YWHAG: variants seen among roughly 807,000 people sequenced by gnomAD.
The protein encoded by YWHAG is tyrosine 3-monooxygenase/tryptophan 5-monooxygenase activation protein gamma.
YWHAG carries 1 observed loss-of-function variant against 23.3 expected under a neutral mutation model. The ratio of observed to expected loss-of-function variants is 0.04; its 90% CI spans 0.02 to 0.20. The LOEUF (loss-of-function observed/expected upper bound fraction) is 0.20. Ranked by LOEUF, YWHAG falls within the 10% of genes least tolerant of loss-of-function variation. The pLI is 1.00. For missense variants in YWHAG, 151 were observed against 338.6 expected, an observed-to-expected ratio of 0.45 and a Z score of 4.35; for synonymous variants, 160 against 144.0, an observed-to-expected ratio of 1.11 and a Z score of -0.80.
intron 1 of YWHAG, among the ~76,000 whole-genome samples, chr7:76,357,589 CA>C (rs1162170910): frequency 6.6e-6 from 1 of 152,144 alleles, no homozygotes; most frequent in Non-Finnish European, 1.5e-5. Context: ...GCAACCCAGA[CA>C]AAATGCGACA....
intron 1 of YWHAG, among the ~76,000 whole-genome samples, chr7:76,348,384 C>A (rs1388213700): frequency 6.7e-6 from 1 of 149,924 alleles, no homozygotes. Context: ...AGCCTCCAAG[C>A]AGCTGGGACT....
chr7:76,333,096 A>C (rs1309667877), intron 1 of YWHAG, among the ~76,000 whole-genome samples: 2 of 152,026 alleles, frequency 1.3e-5, no homozygotes, highest in East Asian at 3.9e-4. Flanking sequence ...TAGCCTCCTG[A>C]GTGGCTGGGA....
chr7:76,340,754 C>G (rs6955630), intron 1 of YWHAG, among the ~76,000 whole-genome samples: 12,774 of 152,216 alleles, frequency 0.084, 853 homozygotes, highest in African/African-American at 0.18. Context: ...CAGATGGGAA[C>G]CATGCATATC....
intron 1 of YWHAG, among the ~76,000 whole-genome samples, chr7:76,357,450 T>C (rs545584321): frequency 5.7e-4 from 87 of 152,296 alleles, no homozygotes; most frequent in African/African-American, 1.9e-3. Flanking sequence ...CCCGAAATCA[T>C]TAGATTAATT....
chr7:76,340,125 CAAAA>C (rs1803670384), intron 1 of YWHAG, among the ~76,000 whole-genome samples: 1 of 152,058 alleles, frequency 6.6e-6, no homozygotes, highest in African/African-American at 2.4e-5. Flanking sequence ...CACACACAAA[CAAAA>C]AACAAACAAA....
intron 1 of YWHAG, 75 bp from the exon 2 acceptor site, chr7:76,330,308 G>A: frequency 2.1e-6 from 3 of 1,449,098 alleles, no homozygotes; most frequent in Non-Finnish European, 1.9e-6. Context: ...TGAGACACTA[G>A]AACAGAGCTC....
intron 1 of YWHAG, among the ~76,000 whole-genome samples, chr7:76,347,374 T>C (rs1277935966): frequency 6.6e-6 from 1 of 152,066 alleles, no homozygotes; most frequent in African/African-American, 2.4e-5. Context: ...AGGCAGGTGG[T>C]TCACCTGAGG....
intron 1 of YWHAG, among the ~76,000 whole-genome samples, chr7:76,348,940 T>TA (rs903440182): frequency 6.6e-6 from 1 of 152,142 alleles, no homozygotes; most frequent in African/African-American, 2.4e-5. Flanking sequence ...TATCACTTTA[T>TA]AAAACTGTTG....
intron 1 of YWHAG, among the ~76,000 whole-genome samples, chr7:76,345,326 C>T (rs1803762098): frequency 6.6e-6 from 1 of 151,640 alleles, no homozygotes; most frequent in Non-Finnish European, 1.5e-5. Flanking sequence ...GCTGGGACTA[C>T]AGGCACCCGC....
At chr7:76,348,997 G>C (rs1227768922) in intron 1 of YWHAG, among the ~76,000 whole-genome samples, 2 of 152,154 alleles carry the variant, frequency 1.3e-5, no homozygotes, top group Non-Finnish European at 2.9e-5. Flanking sequence ...CAAGGTGACA[G>C]TAAACGTCAA....
At chr7:76,336,480 G>C (rs909775409) in intron 1 of YWHAG, among the ~76,000 whole-genome samples, 4 of 128,222 alleles carry the variant, frequency 3.1e-5, no homozygotes, top group Non-Finnish European at 6.3e-5. Context: ...TTCTGAGACA[G>C]AGTTTCACTC....
chr7:76,341,609 A>T (rs767620858), intron 1 of YWHAG, among the ~76,000 whole-genome samples: 1 of 152,048 alleles, frequency 6.6e-6, no homozygotes, highest in African/African-American at 2.4e-5. Context: ...TCTCGAAAAC[A>T]TTTTGCTAAA....
chr7:76,329,489 T>TTCCAA lies in YWHAG; in HGVS notation c.*87_*88insTTGGA. On this transcript the variant is annotated 3_prime_UTR_variant, in exon 2 of 2. Coordinates refer to ENST00000307630, the MANE Select transcript of YWHAG (RefSeq NM_012479.4). The surrounding 1 kb of genome is among the most constrained non-coding windows in gnomAD (Gnocchi z 6.1). ...TCCCTGGGAAGGTCATCCCTCCCTT[T>TTCCAA]CCCTCCCCCACCCGACCCCCAACTC... is the stretch of plus-strand genomic sequence containing the variant. The TTCCAA allele has an allele frequency of 3.9e-6, 4 of 1,024,226 alleles. No homozygotes were observed. Among genetic ancestry groups the TTCCAA allele is most frequent in the Non-Finnish European group, 5.4e-6 (4 of 740,080 alleles). The allele number at this position is 1,024,226 out of a possible 1,614,324, so 63.4% of individuals were successfully genotyped here.
intron 1 of YWHAG, among the ~76,000 whole-genome samples, chr7:76,331,826 A>G (rs1803546181): frequency 6.6e-6 from 1 of 151,988 alleles, no homozygotes; most frequent in Non-Finnish European, 1.5e-5. Context: ...CAACATAACA[A>G]GGCCCCATCT....
At chr7:76,338,909 G>A (rs1803652868) in intron 1 of YWHAG, among the ~76,000 whole-genome samples, 1 of 152,134 alleles carries the variant, frequency 6.6e-6, no homozygotes. Flanking sequence ...TTTCTAGAAG[G>A]GTCTCAAAAC....
Position 76,340,502 on chromosome 7 carries a change from A to G in YWHAG, c.88-10269T>C, listed in dbSNP as rs192369587. Among the ~76,000 whole-genome samples, 9 of 152,336 alleles carry G rather than the reference A, an allele frequency of 5.9e-5. No homozygotes were observed. In the South Asian group the frequency reaches 6.2e-4, roughly 11 times the overall value. On this transcript the variant is annotated intron_variant, in intron 1 of 1. Transcript: ENST00000307630. The stretch of plus-strand genomic sequence containing the variant: ...CCATTTAGTCCATATTTTTCTAATA[A>G]ACTTTTGTGATCAGAAATGGATTTT...
At chr7:76,350,575 G>A (rs1486489115) in intron 1 of YWHAG, among the ~76,000 whole-genome samples, 1 of 152,192 alleles carries the variant, frequency 6.6e-6, no homozygotes, top group Non-Finnish European at 1.5e-5. Flanking sequence ...CAGGCGCAGT[G>A]GCTCATGCCT....
In YWHAG at chr7:76,327,844, A is replaced by G. The variant is rs545877254; in HGVS notation, c.*1733T>C. The G allele has an allele frequency of 3.3e-5, 5 of 152,124 alleles. No individual in the cohort carries two copies. The highest frequency in any genetic ancestry group is 7.3e-5 in the Non-Finnish European group (5 of 68,038). 9.4% of individuals were successfully genotyped at this position (152,124 alleles called of 1,614,324 possible). On this transcript the variant is annotated 3_prime_UTR_variant, in exon 2 of 2. Transcript: ENST00000307630. ...CCTCCTAAGGAAAGTCATGCTGGGTAAACTGTGCGATGTTACAGAGCACAT... is the reference window on the plus strand; with the variant it reads ...CCTCCTAAGGAAAGTCATGCTGGGTGAACTGTGCGATGTTACAGAGCACAT...
intron 1 of YWHAG, among the ~76,000 whole-genome samples, chr7:76,337,100 C>T (rs1275850098): frequency 2.6e-5 from 4 of 152,124 alleles, no homozygotes; most frequent in East Asian, 1.9e-4. Flanking sequence ...TGAAATAACA[C>T]GCCTCAAACA....
Sources: gnomAD v4.1 joint callset for allele counts (sites outside exome capture counted in the v4.1 genomes callset) on GRCh38, gnomAD v4.1.1 for gene constraint, Gnocchi (gnomAD v3.1) non-coding constraint, MANE v1.5 for transcripts, NCBI Gene and HGNC (gene_info 2026-07-23, HGNC 2026-07-21) for gene names.